TENM3: variants seen among roughly 807,000 people sequenced by gnomAD.
TENM3 encodes the protein teneurin transmembrane protein 3.
TENM3 carries 63 observed loss-of-function variants against 255.1 expected under a neutral mutation model. That is an observed-to-expected ratio of 0.25 (90% CI 0.20 to 0.30). The LOEUF is 0.30. Ranked by LOEUF, TENM3 falls within the 10% of genes least tolerant of loss-of-function variation. The pLI is 1.00. For synonymous variants in TENM3, 1,306 were observed against 1,322.3 expected, an observed-to-expected ratio of 0.99 and a Z score of 0.27; for missense variants, 2,929 against 3,461.1, an observed-to-expected ratio of 0.85 and a Z score of 3.86.
intron 3 of TENM3, among the ~76,000 whole-genome samples, chr4:182,506,327 G>C (rs1206281179): frequency 6.6e-6 from 1 of 152,144 alleles, no homozygotes; most frequent in African/African-American, 2.4e-5. Context: ...ATATTTTGGA[G>C]TCAGAAAACT....
At chr4:182,665,381 G>T (rs1203420573) in intron 6 of TENM3, among the ~76,000 whole-genome samples, 1 of 152,186 alleles carries the variant, frequency 6.6e-6, no homozygotes, top group Non-Finnish European at 1.5e-5. Flanking sequence ...CATTGACAAT[G>T]TACCTAGTCC....
chr4:182,660,707 T>A (rs549354400), intron 6 of TENM3, among the ~76,000 whole-genome samples: 1 of 152,372 alleles, frequency 6.6e-6, no homozygotes, highest in African/African-American at 2.4e-5. Flanking sequence ...AGAAATATTA[T>A]CGTGTATTTT....
chr4:181,624,145 G>C, the TENM3 span, among the ~76,000 whole-genome samples: 531 of 152,258 alleles, frequency 3.5e-3, 2 homozygotes, highest in Non-Finnish European at 6.2e-3. Flanking sequence ...AGATGGGCGA[G>C]GTTGCACCAC....
At chr4:181,616,156 G>A in the TENM3 span, among the ~76,000 whole-genome samples, 1 of 151,370 alleles carries the variant, frequency 6.6e-6, no homozygotes, top group Non-Finnish European at 1.5e-5. Flanking sequence ...TTTTTAGTAT[G>A]TGATGTTAAT....
chr4:182,164,182 C>T (rs1006240349), intron 1 of TENM3, among the ~76,000 whole-genome samples: 7 of 152,152 alleles, frequency 4.6e-5, no homozygotes. Context: ...AACCATTTCA[C>T]GTATGCTCTT....
chr4:181,724,129 T>G, the TENM3 span, among the ~76,000 whole-genome samples: 3 of 152,250 alleles, frequency 2.0e-5, no homozygotes, highest in African/African-American at 7.2e-5. Context: ...TCCGTTCATG[T>G]TGCCCTGTGG....
the TENM3 span, among the ~76,000 whole-genome samples, chr4:181,720,668 G>T: frequency 1.3e-5 from 2 of 152,048 alleles, no homozygotes; most frequent in Admixed American, 6.5e-5. Flanking sequence ...TCTGACAATA[G>T]TCTTTTGAAT....
At chr4:181,566,910 C>G in the TENM3 span, among the ~76,000 whole-genome samples, 1 of 152,186 alleles carries the variant, frequency 6.6e-6, no homozygotes, top group Non-Finnish European at 1.5e-5. Context: ...AGCCCTGCCT[C>G]TAATAGTGCT....
chr4:181,638,293 G>T, the TENM3 span, among the ~76,000 whole-genome samples: 1 of 152,298 alleles, frequency 6.6e-6, no homozygotes, highest in Non-Finnish European at 1.5e-5. Context: ...ATCAGATTAG[G>T]TTTCCTCCAG....
At chr4:181,883,507 G>A in the TENM3 span, among the ~76,000 whole-genome samples, 1 of 152,116 alleles carries the variant, frequency 6.6e-6, no homozygotes, top group African/African-American at 2.4e-5. Flanking sequence ...GTCTCGCTCT[G>A]TCTGTCGCCC....
At chr4:182,485,246 T>C (rs1273915841) in intron 3 of TENM3, among the ~76,000 whole-genome samples, 1 of 152,156 alleles carries the variant, frequency 6.6e-6, no homozygotes. Context: ...TACAAATGCA[T>C]CAGCAAAACT....
At chr4:181,708,703 TA>T in the TENM3 span, among the ~76,000 whole-genome samples, 76 of 152,242 alleles carry the variant, frequency 5.0e-4, no homozygotes, top group Admixed American at 1.6e-3. Context: ...AAAGTACTGA[TA>T]CATGAAACCT....
At chr4:182,644,335 C>A (rs1752557609) in intron 5 of TENM3, among the ~76,000 whole-genome samples, 1 of 152,168 alleles carries the variant, frequency 6.6e-6, no homozygotes, top group South Asian at 2.1e-4. Flanking sequence ...AATTTGGCAC[C>A]TTTTTCTCTC....
the TENM3 span, among the ~76,000 whole-genome samples, chr4:181,703,570 A>G: frequency 6.6e-6 from 1 of 152,136 alleles, no homozygotes; most frequent in African/African-American, 2.4e-5. Context: ...CAGACTCAGA[A>G]ACTTGATCAG....
At chr4:181,581,187 TC>T in the TENM3 span, among the ~76,000 whole-genome samples, 1 of 152,172 alleles carries the variant, frequency 6.6e-6, no homozygotes, top group Non-Finnish European at 1.5e-5. Flanking sequence ...ACGCCTGTAA[TC>T]CCAGCACTTT....
intron 5 of TENM3, among the ~76,000 whole-genome samples, chr4:182,648,498 C>T (rs1752952791): frequency 6.6e-6 from 1 of 152,132 alleles, no homozygotes; most frequent in South Asian, 2.1e-4. Context: ...TCAGGCTGGT[C>T]TCAAACTCCT....
At chr4:181,521,567 G>A in the TENM3 span, among the ~76,000 whole-genome samples, 3 of 152,228 alleles carry the variant, frequency 2.0e-5, no homozygotes, top group South Asian at 2.1e-4. Context: ...ATGCGTAATC[G>A]TAACTCAAGG....
At chr4:181,814,681 A>G in the TENM3 span, among the ~76,000 whole-genome samples, 2 of 152,092 alleles carry the variant, frequency 1.3e-5, no homozygotes, top group African/African-American at 4.8e-5. Flanking sequence ...TAAAGTAGAG[A>G]TTTGACAGGC....
At chr4:181,678,714 T>A in the TENM3 span, among the ~76,000 whole-genome samples, 1 of 151,916 alleles carries the variant, frequency 6.6e-6, no homozygotes, top group African/African-American at 2.4e-5. Flanking sequence ...GGTTGTTCTA[T>A]ATATATATAC....
Sources: allele counts gnomAD v4.1 joint callset (sites outside exome capture counted in the v4.1 genomes callset), GRCh38; gene constraint gnomAD v4.1.1; transcripts MANE v1.5; gene names NCBI Gene and HGNC (gene_info 2026-07-23, HGNC 2026-07-21).